The following PAWR variants were observed in gnomAD, a reference collection of about 807,000 sequenced individuals.
PAWR encodes the protein pro-apoptotic WT1 regulator.
PAWR carries 23 observed loss-of-function variants against 32.0 expected under a neutral mutation model. The ratio of observed to expected loss-of-function variants is 0.72; its 90% CI spans 0.52 to 1.02. PAWR has a LOEUF of 1.02. PAWR is among the 50% of genes least tolerant of loss of function. The probability of loss-of-function intolerance (pLI) is 0.00; values close to 1 mark genes in which losing one functional copy is unlikely to be tolerated. For synonymous variants in PAWR, 226 were observed against 187.1 expected, an observed-to-expected ratio of 1.21 and a Z score of -1.70; for missense variants, 457 against 437.7, an observed-to-expected ratio of 1.04 and a Z score of -0.39.
intron 2 of PAWR, among the ~76,000 whole-genome samples, chr12:79,680,472 T>C (rs1179608500): frequency 1.3e-5 from 2 of 152,218 alleles, no homozygotes; most frequent in Non-Finnish European, 2.9e-5. Flanking sequence ...TTATTAAGCA[T>C]TTAACATGTG....
At position 79,632,334 on chromosome 12, in the gene PAWR, TATATATATATATATA is replaced by T. The variant is rs1875712341; in HGVS notation, c.517-11142_517-11128del. ...ATACATATATATATATATATATATA[TATATATATATATATA>T]TATATATATATATTTTTTTTTTTTT... On this transcript the variant is annotated intron_variant, in intron 2 of 6. Coordinates refer to ENST00000328827, the MANE Select transcript of PAWR (RefSeq NM_002583.4). Among the ~76,000 whole-genome samples the T allele has an allele frequency of 5.4e-5, 3 of 55,084 alleles. No homozygotes were observed. The African/African-American group carries it at 6.8e-4, about 12-fold the overall frequency. The allele number at this position is 55,084 out of a possible 152,430, so 36.1% of individuals were successfully genotyped here. A position where few individuals can be genotyped will look rare whatever the true frequency, so the allele number is the denominator to read the frequency against.
chr12:79,636,614 G>T (rs752831276), intron 2 of PAWR, among the ~76,000 whole-genome samples: 1 of 152,040 alleles, frequency 6.6e-6, no homozygotes, highest in Non-Finnish European at 1.5e-5. Context: ...GTTCTTGAAA[G>T]AATTCAACTA....
chr12:79,686,238 A>G (rs2136895394), intron 2 of PAWR, among the ~76,000 whole-genome samples: 1 of 152,316 alleles, frequency 6.6e-6, no homozygotes, highest in South Asian at 2.1e-4. Context: ...AATGGCAGTA[A>G]CTTCACAAAC....
intron 2 of PAWR, among the ~76,000 whole-genome samples, chr12:79,661,217 C>T (rs1312408609): frequency 6.8e-6 from 1 of 148,140 alleles, no homozygotes; most frequent in African/African-American, 2.5e-5. Context: ...CCATTGCACT[C>T]CAGCCTGGGC....
intron 2 of PAWR, among the ~76,000 whole-genome samples, chr12:79,666,783 T>A (rs1877626917): frequency 6.6e-6 from 1 of 152,240 alleles, no homozygotes; most frequent in Non-Finnish European, 1.5e-5. Flanking sequence ...AATTTCTTGG[T>A]TTTAATTTCT....
At chr12:79,609,580 G>C (rs1054313641) in intron 4 of PAWR, among the ~76,000 whole-genome samples, 10 of 152,062 alleles carry the variant, frequency 6.6e-5, no homozygotes, top group African/African-American at 2.2e-4. Flanking sequence ...AGGAGAGGAA[G>C]AGAAGAGGAG....
At chr12:79,607,342 G>C (rs1874225991) in intron 4 of PAWR, among the ~76,000 whole-genome samples, 1 of 152,098 alleles carries the variant, frequency 6.6e-6, no homozygotes, top group Non-Finnish European at 1.5e-5. Flanking sequence ...TCTTTAGAAA[G>C]GGTCATATAT....
chr12:79,622,809 T>C (rs369281944), intron 2 of PAWR, among the ~76,000 whole-genome samples: 37 of 152,284 alleles, frequency 2.4e-4, no homozygotes, highest in Non-Finnish European at 3.2e-4. Context: ...AAACTGTTCT[T>C]GACTCTAACT....
Position 79,587,831 on chromosome 12 carries a change from A to T in PAWR, c.*4776T>A, listed in dbSNP as rs1047882906. The T allele has an allele frequency of 6.6e-6, 1 of 152,036 alleles. No homozygotes were observed. The highest frequency in any genetic ancestry group is 1.5e-5 in the Non-Finnish European group (1 of 67,862). 9.4% of individuals were successfully genotyped at this position (152,036 alleles called of 1,614,324 possible). The stretch of plus-strand genomic sequence containing the variant: ...AAAAAATTTTATTGAGTATTACTTT[A>T]TACATGCAAATTGAAAGTGAATCTA... On this transcript the variant is annotated 3_prime_UTR_variant, in exon 7 of 7. Coordinates refer to ENST00000328827, the MANE Select transcript of PAWR (RefSeq NM_002583.4).
chr12:79,639,158 G>A (rs1363842604), intron 2 of PAWR, among the ~76,000 whole-genome samples: 4 of 150,854 alleles, frequency 2.7e-5, no homozygotes, highest in East Asian at 2.0e-4. Context: ...TGATCTGCCC[G>A]CCTCAGCCTC....
At chr12:79,685,483 T>C (rs897994483) in intron 2 of PAWR, among the ~76,000 whole-genome samples, 15 of 152,218 alleles carry the variant, frequency 9.9e-5, no homozygotes, top group African/African-American at 3.6e-4. Context: ...AAAAGTGCTT[T>C]CTATATGTTA....
chr12:79,620,500 A>T (rs1272855712), intron 3 of PAWR, among the ~76,000 whole-genome samples: 1 of 152,198 alleles, frequency 6.6e-6, no homozygotes, highest in African/African-American at 2.4e-5. Context: ...AGAATGAAGA[A>T]GATTTCTACA....
At chr12:79,660,821 T>G (rs1203526070) in intron 2 of PAWR, among the ~76,000 whole-genome samples, 1 of 151,886 alleles carries the variant, frequency 6.6e-6, no homozygotes, top group African/African-American at 2.4e-5. Flanking sequence ...TGAACTGAGC[T>G]GATCCACCTG....
At position 79,662,859 on chromosome 12, in the gene PAWR, C is replaced by T. The variant is rs140909302; in HGVS notation, c.516+26870G>A. The stretch of plus-strand genomic sequence containing the variant: ...TCAAGAAAATGCTGTTTTTAAAGTG[C>T]TAATTATTAATCACAAGGAAATAAT... On this transcript the variant is annotated intron_variant, in intron 2 of 6. Transcript: ENST00000328827. Among the ~76,000 whole-genome samples the T allele has an allele frequency of 3.3e-4, 50 of 152,224 alleles. No homozygotes were observed. The East Asian group carries it at 7.7e-3, about 23-fold the overall frequency.
chr12:79,646,291 G>A (rs956208275), intron 2 of PAWR, among the ~76,000 whole-genome samples: 53 of 152,160 alleles, frequency 3.5e-4, no homozygotes, highest in African/African-American at 1.2e-3. Context: ...CTCCTGCCCC[G>A]TATGCCACCT....
intron 6 of PAWR, among the ~76,000 whole-genome samples, chr12:79,593,853 C>T (rs978941006): frequency 6.6e-6 from 1 of 151,586 alleles, no homozygotes; most frequent in East Asian, 2.0e-4. Flanking sequence ...CAGGTGCCCA[C>T]CACCATGCCC....
rs940980111 is a variant in PAWR at position 79,585,011 on chromosome 12, A to G, written c.*7596T>C. 3.5e-6 allele frequency: 1 copy of G among 289,744 alleles called. No individual in the cohort carries two copies. Among genetic ancestry groups the G allele is most frequent in the African/African-American group, 2.3e-5 (1 of 44,238 alleles). The allele number at this position is 289,744 out of a possible 1,614,324, so 17.9% of individuals were successfully genotyped here. On this transcript the variant is annotated 3_prime_UTR_variant, in exon 7 of 7. Transcript: ENST00000328827. ...CACAGACAAACAATGATTTTATTCC[A>G]TAGTCTCTTGGACTTGAGAATCCAT... is the stretch of plus-strand genomic sequence containing the variant.
At chr12:79,594,474 G>T (rs747620345) in intron 5 of PAWR, 41 bp from the exon 6 acceptor site, 2 of 945,784 alleles carry the variant, frequency 2.1e-6, no homozygotes, top group South Asian at 1.5e-5. Flanking sequence ...GGAAGTAATT[G>T]TTTATTTATA....
Position 79,594,700 on chromosome 12 carries a change from C to CGTGTGTGTGTGTGT in PAWR, c.832-281_832-268dup, listed in dbSNP as rs34121968. On this transcript the variant is annotated intron_variant, in intron 5 of 6. Transcript: ENST00000328827. ...TGTAATAGACTCAATGATTTAACCT[C>CGTGTGTGTGTGTGT]GTGTGTGTGTGTGTGTGTGTGTGTG... 3.1e-4 allele frequency among the ~76,000 whole-genome samples: 46 copies of CGTGTGTGTGTGTGT among 148,576 alleles called. 1 individual carries two copies. The highest frequency in any genetic ancestry group is 1.0e-3 in the African/African-American group (43 of 41,048).
Sources: allele counts gnomAD v4.1 joint callset (sites outside exome capture counted in the v4.1 genomes callset), GRCh38; gene constraint gnomAD v4.1.1; transcripts MANE v1.5; gene names NCBI Gene and HGNC (gene_info 2026-07-23, HGNC 2026-07-21).